Variants in CCDC180 observed in about 807,000 individuals in gnomAD.
CCDC180 encodes coiled-coil domain containing 180.
In CCDC180, 154 loss-of-function variants were observed where a neutral mutation model predicts 209.2. The ratio of observed to expected loss-of-function variants is 0.74; its 90% CI spans 0.65 to 0.84. CCDC180 has a LOEUF of 0.84. CCDC180 is among the 40% of genes least tolerant of loss of function. The probability of loss-of-function intolerance (pLI) is 0.00; values close to 1 mark genes in which losing one functional copy is unlikely to be tolerated. For synonymous variants in CCDC180, 778 were observed against 749.1 expected (o/e 1.04, Z -0.63); for missense variants, 1,874 against 1,997.3 (o/e 0.94, Z 1.18).
chr9:97,344,612 A>G (rs1401584966), intron 19 of CCDC180, among the ~76,000 whole-genome samples: 1 of 152,200 alleles, frequency 6.6e-6, no homozygotes, highest in East Asian at 1.9e-4. Context: ...CTAGATATCC[A>G]GGACAGGAAG....
chr9:97,307,537 C>T, upstream of CCDC180: 3 of 613,722 alleles, frequency 4.9e-6, no homozygotes, highest in Non-Finnish European at 5.9e-6. Flanking sequence ...GCCTAATTAG[C>T]GTGACCTGAA....
Position 97,360,092 on chromosome 9 carries a change from G to T in CCDC180, c.3474G>T (p.Leu1158=). 6.2e-7 allele frequency: 1 copy of T among 1,613,788 alleles called. No individual in the cohort carries two copies. Among genetic ancestry groups the T allele is most frequent in the Non-Finnish European group, 8.5e-7 (1 of 1,179,828 alleles). ...CSLDRVSMTE[L]VFTNTILKDQ... ...TGGACAGGGTGTCCATGACTGAACTGGTCTTTACCGTAAGGAATGGGATAG... is the reference window on the plus strand; with the variant it reads ...TGGACAGGGTGTCCATGACTGAACTTGTCTTTACCGTAAGGAATGGGATAG... Residue 1158 remains leucine (L), a synonymous_variant, in exon 26 of 37, where the codon CTG becomes CTT. Transcript: ENST00000529487.
At chr9:97,375,633 G>T in intron 36 of CCDC180, 44 bp downstream of exon 36, 1 of 1,610,684 alleles carries the variant, frequency 6.2e-7, no homozygotes, top group Non-Finnish European at 8.5e-7. Context: ...GCACAGCTCA[G>T]GTCGGCTGCC....
intron 33 of CCDC180, chr9:97,371,112 C>T (rs541536059): frequency 2.7e-4 from 46 of 170,500 alleles, no homozygotes; most frequent in East Asian, 4.8e-4. Context: ...TACAGGCGCC[C>T]GCCACCGCGC....
chr9:97,337,818 A>C (rs937235004), intron 18 of CCDC180, among the ~76,000 whole-genome samples: 9 of 152,188 alleles, frequency 5.9e-5, no homozygotes. Flanking sequence ...TTGGTAGGCT[A>C]TTAATTATTG....
chr9:97,325,162 G>A lies in CCDC180; in HGVS notation c.1515G>A (p.Gln505=). The part of the protein sequence containing the change: ...QELELEKRME[Q]HRQKHSLESQ... ...TGGAGCTGGAGAAGAGGATGGAGCA[G>A]CACCGGCAGAAGCACAGCCTGGAGA... The change falls in exon 14 of 37, where the codon CAG becomes CAA. Residue 505 remains glutamine (Q), a synonymous_variant. Coordinates refer to ENST00000529487, the MANE Select transcript of CCDC180 (RefSeq NM_020893.6). The A allele has an allele frequency of 6.2e-7, 1 of 1,606,422 alleles. No individual in the cohort carries two copies.
chr9:97,313,304 G>T lies in CCDC180; in HGVS notation c.418G>T (p.Ala140Ser), dbSNP rs765085558. ...ACACAAGAGGAAGAGCTACGAGAGC[G>T]CTCTGGCCAGCTTTCAGGAGGAGAT... ...AEHKRKSYESALASFQEEIAQ... is the reference protein window; with the variant it reads ...AEHKRKSYESSLASFQEEIAQ... Residue 140 changes from alanine to serine, a missense_variant, in exon 5 of 37, where the codon GCT (alanine) becomes TCT (serine). Physicochemically the swap from Ala to Ser is moderately conservative, Grantham distance 99. Transcript: ENST00000529487. 1.2e-6 allele frequency: 2 copies of T among 1,612,302 alleles called. No homozygotes were observed. The highest frequency in any genetic ancestry group is 1.7e-6 in the Non-Finnish European group (2 of 1,178,866).
At chr9:97,355,081 A>G (rs1826539239) in intron 24 of CCDC180, 73 bp downstream of exon 24, 1 of 972,798 alleles carries the variant, frequency 1.0e-6, no homozygotes, top group Non-Finnish European at 1.6e-6. Context: ...CCCCGGTGCT[A>G]GGAGGCCATT....
At chr9:97,325,757 G>A (rs530812387) in intron 14 of CCDC180, among the ~76,000 whole-genome samples, 5 of 152,178 alleles carry the variant, frequency 3.3e-5, no homozygotes, top group Admixed American at 6.5e-5. Context: ...GGTAGTGCCG[G>A]TGCTGGTGGC....
At chr9:97,312,519 A>G (rs1833022518) in intron 4 of CCDC180, among the ~76,000 whole-genome samples, 3 of 152,192 alleles carry the variant, frequency 2.0e-5, no homozygotes. Context: ...TTCCTACTGC[A>G]TTGTCCTAGT....
At chr9:97,363,658 A>T in intron 28 of CCDC180, 1 of 518,988 alleles carries the variant, frequency 1.9e-6, no homozygotes, top group Non-Finnish European at 4.0e-6. Flanking sequence ...TACGGTGTTT[A>T]TATGAAATTC....
intron 4 of CCDC180, among the ~76,000 whole-genome samples, chr9:97,312,826 A>C (rs1254595982): frequency 6.6e-6 from 1 of 151,856 alleles, no homozygotes; most frequent in Non-Finnish European, 1.5e-5. Flanking sequence ...TGGTTCTACA[A>C]CCCCCCATGA....
In CCDC180 at chr9:97,362,358, C is replaced by G; in HGVS notation, c.3819C>G (p.Pro1273=). Residue 1273 remains proline (P), a synonymous_variant, in exon 28 of 37, where the codon CCC becomes CCG. Transcript: ENST00000529487. Reference sequence around the variant, plus strand: ...GCTCCTGTCCTGGGCCCTCGTCACCCAAAGGCTTCAAGCGACATCGGTGCC... The same window carrying G: ...GCTCCTGTCCTGGGCCCTCGTCACCGAAAGGCTTCAAGCGACATCGGTGCC... The part of the protein sequence containing the change: ...VLCSCPGPSS[P]KGFKRHRCQP... The G allele has an allele frequency of 6.2e-7, 1 of 1,614,074 alleles. No individual in the cohort carries two copies. The highest frequency in any genetic ancestry group is 8.5e-7 in the Non-Finnish European group (1 of 1,180,028).
chr9:97,344,111 C>G (rs928539176), intron 19 of CCDC180, among the ~76,000 whole-genome samples: 1 of 152,040 alleles, frequency 6.6e-6, no homozygotes, highest in African/African-American at 2.4e-5. Context: ...ACCCATAATC[C>G]CACCACTGAG....
intron 4 of CCDC180, 21 bp from the exon 5 acceptor site, chr9:97,313,215 A>C (rs1442482993): frequency 1.3e-6 from 2 of 1,542,394 alleles, no homozygotes; most frequent in Non-Finnish European, 1.8e-6. Context: ...CAGCCTCATC[A>C]CCTCTGTTGT....
intron 18 of CCDC180, among the ~76,000 whole-genome samples, chr9:97,342,869 T>C (rs1054202143): frequency 1.3e-5 from 2 of 152,224 alleles, no homozygotes; most frequent in Non-Finnish European, 2.9e-5. Context: ...TCAAAACATA[T>C]TCAAAATCAC....
At chr9:97,359,761 C>T (rs1433167687) in intron 25 of CCDC180, among the ~76,000 whole-genome samples, 1 of 152,102 alleles carries the variant, frequency 6.6e-6, no homozygotes, top group African/African-American at 2.4e-5. Context: ...ATGTTCCCAT[C>T]AGTGAAGGGT....
intron 10 of CCDC180, 90 bp from the exon 11 acceptor site, chr9:97,320,036 T>A: frequency 1.0e-6 from 1 of 972,036 alleles, no homozygotes. Context: ...TCCATGATTT[T>A]CTGGAGCTAT....
Position 97,312,119 on chromosome 9 carries a change from G to C in CCDC180, c.267G>C (p.Lys89Asn). 6.2e-7 allele frequency: 1 copy of C among 1,614,004 alleles called. No individual in the cohort carries two copies. Among genetic ancestry groups the C allele is most frequent in the African/African-American group, 1.3e-5 (1 of 75,044 alleles). Residue 89 changes from lysine to asparagine, a missense_variant, in exon 4 of 37, where the codon AAG becomes AAC. Coordinates refer to ENST00000529487, the MANE Select transcript of CCDC180 (RefSeq NM_020893.6). ...IMENPVLHRE[K>N]ERAKREKARE... ...TTCTCTGCTTGTGTCTCAGGGAAAA[G>C]GAAAGAGCCAAGAGGGAAAAAGCCC...
Sources: gnomAD v4.1 joint callset for allele counts (sites outside exome capture counted in the v4.1 genomes callset) on GRCh38, gnomAD v4.1.1 for gene constraint, MANE v1.5 for transcripts, NCBI Gene and HGNC (gene_info 2026-07-23, HGNC 2026-07-21) for gene names.